Variants in GPC5 observed in about 807,000 individuals in gnomAD.
The protein encoded by GPC5 is glypican 5.
Under a neutral mutation model 53.9 loss-of-function variants are expected in GPC5, and 47 were observed. The observed-to-expected ratio is 0.87, with a 90% CI of 0.69 to 1.11. The LOEUF is 1.11. GPC5 is among the 50% of genes most tolerant of loss of function. The probability of loss-of-function intolerance (pLI) is 0.00; values close to 1 mark genes in which losing one functional copy is unlikely to be tolerated. For missense variants in GPC5, 748 were observed against 713.1 expected, an observed-to-expected ratio of 1.05 and a Z score of -0.56; for synonymous variants, 286 against 263.3, an observed-to-expected ratio of 1.09 and a Z score of -0.84.
chr13:92,628,173 C>T (rs1885106271), intron 7 of GPC5, among the ~76,000 whole-genome samples: 1 of 151,832 alleles, frequency 6.6e-6, no homozygotes, highest in Non-Finnish European at 1.5e-5. Flanking sequence ...CTTCCTTCAC[C>T]ACCTAATAGT....
At chr13:91,451,731 C>T (rs574891920) in intron 2 of GPC5, among the ~76,000 whole-genome samples, 59 of 152,048 alleles carry the variant, frequency 3.9e-4, no homozygotes, top group African/African-American at 1.3e-3. Flanking sequence ...GATTCTCTTG[C>T]CTCAGCCTCC....
chr13:92,053,065 T>G (rs2041044056), intron 6 of GPC5, among the ~76,000 whole-genome samples: 2 of 152,170 alleles, frequency 1.3e-5, no homozygotes, highest in Non-Finnish European at 2.9e-5. Context: ...GAGTTTAAAT[T>G]TAAACTGTAC....
intron 5 of GPC5, among the ~76,000 whole-genome samples, chr13:91,792,712 A>G (rs1286290274): frequency 6.6e-6 from 1 of 152,192 alleles, no homozygotes; most frequent in Non-Finnish European, 1.5e-5. Context: ...GTAACAGTTC[A>G]TAGTAAAACC....
At chr13:92,486,011 C>A (rs1156490631) in intron 7 of GPC5, among the ~76,000 whole-genome samples, 1 of 152,256 alleles carries the variant, frequency 6.6e-6, no homozygotes, top group Non-Finnish European at 1.5e-5. Context: ...GTTAGATTGA[C>A]TAATGCCAGC....
chr13:92,785,556 C>T (rs1471552982), intron 7 of GPC5, among the ~76,000 whole-genome samples: 2 of 152,176 alleles, frequency 1.3e-5, no homozygotes, highest in African/African-American at 2.4e-5. Context: ...GAGTGGAACC[C>T]TTTACTCCAA....
chr13:91,663,689 C>T (rs2035039366), intron 2 of GPC5, among the ~76,000 whole-genome samples: 1 of 152,004 alleles, frequency 6.6e-6, no homozygotes, highest in African/African-American at 2.4e-5. Context: ...GTCTCTAACT[C>T]CTGGCCTGAA....
chr13:91,692,338 T>C (rs1197100713), intron 2 of GPC5, among the ~76,000 whole-genome samples: 1 of 152,240 alleles, frequency 6.6e-6, no homozygotes, highest in African/African-American at 2.4e-5. Context: ...AATGCTTTAC[T>C]TTCTCTTTAG....
In GPC5 at chr13:92,274,190, A is replaced by G. The variant is rs2042859396; in HGVS notation, c.1561+129201A>G. Among the ~76,000 whole-genome samples the G allele has an allele frequency of 2.0e-5, 3 of 152,124 alleles. No homozygotes were observed. In the South Asian group the frequency reaches 6.2e-4, roughly 31 times the overall value. ...CCCTTAGAATTTTATTCTAGGCATGATTTTCATTATAGATACGGATTACAT... is the reference window on the plus strand; with the variant it reads ...CCCTTAGAATTTTATTCTAGGCATGGTTTTCATTATAGATACGGATTACAT... On this transcript the variant is annotated intron_variant, in intron 7 of 7. Coordinates refer to ENST00000377067, the MANE Select transcript of GPC5 (RefSeq NM_004466.6).
chr13:91,801,253 TTG>T (rs71113762), intron 5 of GPC5, among the ~76,000 whole-genome samples: 23,702 of 146,160 alleles, frequency 0.16, 1,990 homozygotes, highest in Admixed American at 0.19. Flanking sequence ...CATCCATACT[TTG>T]TGTGTGTGTG....
At chr13:92,010,083 A>G (rs1438121482) in intron 6 of GPC5, among the ~76,000 whole-genome samples, 1 of 152,208 alleles carries the variant, frequency 6.6e-6, no homozygotes, top group Non-Finnish European at 1.5e-5. Context: ...AGACTTACTC[A>G]TCTTCCTCAG....
chr13:92,323,182 T>C (rs2043227131), intron 7 of GPC5, among the ~76,000 whole-genome samples: 1 of 151,434 alleles, frequency 6.6e-6, no homozygotes. Flanking sequence ...CATTAATTAC[T>C]ATTTCTGGGC....
At chr13:92,544,832 G>A (rs1330948995) in intron 7 of GPC5, among the ~76,000 whole-genome samples, 1 of 151,762 alleles carries the variant, frequency 6.6e-6, no homozygotes, top group Non-Finnish European at 1.5e-5. Flanking sequence ...ATTTGTTTTA[G>A]GATCATCTAT....
At position 92,506,088 on chromosome 13, in the gene GPC5, C is replaced by T. The variant is rs565006241; in HGVS notation, c.1562-360194C>T. Among the ~76,000 whole-genome samples the T allele has an allele frequency of 1.4e-3, 213 of 152,090 alleles. 1 individual carries two copies. The highest frequency in any genetic ancestry group is 4.9e-3 in the African/African-American group (204 of 41,490). Reference sequence around the variant, plus strand: ...GGAGAGAATTCATAGAACTGTATGCCACATTAAAGGTCAATTTTATTGAGT... The same window carrying T: ...GGAGAGAATTCATAGAACTGTATGCTACATTAAAGGTCAATTTTATTGAGT... On this transcript the variant is annotated intron_variant, in intron 7 of 7. Coordinates refer to ENST00000377067, the MANE Select transcript of GPC5 (RefSeq NM_004466.6).
At chr13:92,645,364 C>T (rs187007449) in intron 7 of GPC5, among the ~76,000 whole-genome samples, 2 of 152,140 alleles carry the variant, frequency 1.3e-5, no homozygotes, top group Non-Finnish European at 1.5e-5. Context: ...AGACTGGTCT[C>T]GAACTCCTGA....
intron 2 of GPC5, among the ~76,000 whole-genome samples, chr13:91,452,636 T>C (rs1881262641): frequency 2.0e-5 from 3 of 152,216 alleles, no homozygotes; most frequent in African/African-American, 7.2e-5. Flanking sequence ...TACATGACAG[T>C]ATGGTGTGAT....
chr13:92,772,854 A>G (rs1418945522), intron 7 of GPC5, among the ~76,000 whole-genome samples: 3 of 152,182 alleles, frequency 2.0e-5, no homozygotes, highest in Non-Finnish European at 4.4e-5. Flanking sequence ...ACTCTGCCAA[A>G]TAGAGTTCAG....
chr13:92,465,092 C>T (rs1048141266), intron 7 of GPC5, among the ~76,000 whole-genome samples: 1 of 151,810 alleles, frequency 6.6e-6, no homozygotes, highest in East Asian at 1.9e-4. Flanking sequence ...TTAGTTTTCT[C>T]CAAAAAGTAG....
intron 6 of GPC5, among the ~76,000 whole-genome samples, chr13:92,117,681 C>T (rs2041611816): frequency 6.6e-6 from 1 of 152,004 alleles, no homozygotes; most frequent in Non-Finnish European, 1.5e-5. Context: ...TGTTAAAATA[C>T]CAATTGTGCA....
chr13:92,419,037 A>C (rs774622950), intron 7 of GPC5, among the ~76,000 whole-genome samples: 3 of 152,214 alleles, frequency 2.0e-5, no homozygotes, highest in Non-Finnish European at 4.4e-5. Flanking sequence ...AAGATGTGCA[A>C]GGGACGAGAA....
Sources: gnomAD v4.1 joint callset for allele counts (sites outside exome capture counted in the v4.1 genomes callset) on GRCh38, gnomAD v4.1.1 for gene constraint, MANE v1.5 for transcripts, NCBI Gene and HGNC (gene_info 2026-07-23, HGNC 2026-07-21) for gene names.